IRAG2: variants seen among roughly 807,000 people sequenced by gnomAD.
The protein encoded by IRAG2 is inositol 1,4,5-triphosphate receptor associated 2, also known as lymphoid restricted membrane protein.
In IRAG2, 45 loss-of-function variants were observed where a neutral mutation model predicts 69.9. That is an observed-to-expected ratio of 0.64 (90% CI 0.51 to 0.83). The LOEUF (loss-of-function observed/expected upper bound fraction) is 0.83. Among genes scored for constraint, IRAG2 ranks in the 40% least tolerant of loss-of-function variants. The probability of loss-of-function intolerance (pLI) is 0.00; values close to 1 mark genes in which losing one functional copy is unlikely to be tolerated. For synonymous variants in IRAG2, 193 were observed against 202.4 expected, an observed-to-expected ratio of 0.95 and a Z score of 0.40; for missense variants, 520 against 587.0, an observed-to-expected ratio of 0.89 and a Z score of 1.18.
At chr12:25,033,177 G>A (rs1944681463) in intron 12 of IRAG2, among the ~76,000 whole-genome samples, 1 of 151,968 alleles carries the variant, frequency 6.6e-6, no homozygotes, top group South Asian at 2.1e-4. Flanking sequence ...GGCTGGTCTC[G>A]AACTCCTGAC....
chr12:25,060,860 G>T (rs1945586106), intron 1 of IRAG2, among the ~76,000 whole-genome samples: 1 of 151,224 alleles, frequency 6.6e-6, no homozygotes, highest in South Asian at 2.1e-4. Flanking sequence ...TAGAGATGGG[G>T]TTTTGTCCTG....
intron 3 of IRAG2, among the ~76,000 whole-genome samples, chr12:25,014,094 C>T (rs1295278471): frequency 1.3e-5 from 2 of 151,654 alleles, no homozygotes; most frequent in African/African-American, 4.8e-5. Context: ...CCAGGATGGT[C>T]TCGATCTCCT....
chr12:25,096,813 G>C (rs1948448032), intron 14 of IRAG2, 97 bp from the exon 15 acceptor site: 5 of 844,676 alleles, frequency 5.9e-6, no homozygotes, highest in Non-Finnish European at 9.1e-6. Context: ...AAATAATTGA[G>C]ATTAGAATGT....
At chr12:25,053,393 T>C (rs980386525) in intron 1 of IRAG2, among the ~76,000 whole-genome samples, 1 of 151,902 alleles carries the variant, frequency 6.6e-6, no homozygotes, top group African/African-American at 2.4e-5. Context: ...TTTTAGGGGG[T>C]TGGGCAAAAT....
the IRAG2 span, among the ~76,000 whole-genome samples, chr12:24,998,272 T>C: frequency 6.6e-6 from 1 of 152,164 alleles, no homozygotes; most frequent in Non-Finnish European, 1.5e-5. Context: ...AACTGAATTG[T>C]GGGAGGAAAG....
chr12:25,026,745 AT>A, intron 8 of IRAG2: 1 of 972,556 alleles, frequency 1.0e-6, no homozygotes, highest in Non-Finnish European at 1.3e-6. Context: ...CTCATCTTTT[AT>A]TTTTCTTGGT....
chr12:25,032,559 T>C (rs1001871559), intron 12 of IRAG2, among the ~76,000 whole-genome samples: 2 of 152,218 alleles, frequency 1.3e-5, no homozygotes, highest in Admixed American at 1.3e-4. Flanking sequence ...CAGCTCAGGA[T>C]GCTATGACAA....
intron 1 of IRAG2, among the ~76,000 whole-genome samples, chr12:25,057,694 A>T (rs1945354895): frequency 6.6e-6 from 1 of 152,128 alleles, no homozygotes. Flanking sequence ...CGAGTATACT[A>T]TTCAACCAGG....
At chr12:25,019,733 G>A (rs1944562971) in intron 6 of IRAG2, among the ~76,000 whole-genome samples, 1 of 151,198 alleles carries the variant, frequency 6.6e-6, no homozygotes, top group South Asian at 2.1e-4. Context: ...TTTGAGGGTG[G>A]AACCCTTGCC....
intron 6 of IRAG2, among the ~76,000 whole-genome samples, chr12:25,077,853 T>C (rs1348140883): frequency 6.6e-6 from 1 of 152,204 alleles, no homozygotes; most frequent in Non-Finnish European, 1.5e-5. Context: ...ACATCATTGA[T>C]GCAGAAGTAG....
chr12:25,102,867 G>A (rs530144446), intron 17 of IRAG2: 5 of 152,330 alleles, frequency 3.3e-5, no homozygotes, highest in African/African-American at 1.2e-4. Context: ...GGCAGGTTTT[G>A]CCACAGTGTA....
At chr12:25,021,801 TCCC>T (rs1361492200) in intron 7 of IRAG2, among the ~76,000 whole-genome samples, 3 of 152,226 alleles carry the variant, frequency 2.0e-5, no homozygotes, top group Non-Finnish European at 4.4e-5. Context: ...CCTGTGGCAG[TCCC>T]TTATGACCTC....
intron 16 of IRAG2, among the ~76,000 whole-genome samples, chr12:25,045,082 A>T: frequency 6.6e-6 from 1 of 152,172 alleles, no homozygotes; most frequent in East Asian, 1.9e-4. Flanking sequence ...AATGGAATAA[A>T]ACTAGAAATG....
chr12:25,055,494 C>A (rs1000890453), intron 1 of IRAG2, among the ~76,000 whole-genome samples: 1 of 152,120 alleles, frequency 6.6e-6, no homozygotes, highest in Non-Finnish European at 1.5e-5. Flanking sequence ...TTCTAGGGTA[C>A]ATGTGTACAA....
At position 25,103,904 on chromosome 12, in the gene IRAG2, GAC is replaced by G; in HGVS notation, c.996+7_996+8del. ...AATATTGGAAATGCAGGAATGGTAA[GAC>G]AATTCCTAAGTGTTCTTAGTCAAAG... On this transcript the variant is annotated splice_donor_region_variant and intron_variant, in intron 18 of 21. Coordinates refer to ENST00000556887, the MANE Select transcript of IRAG2 (RefSeq NM_001366544.2). 1 of 1,609,378 alleles carries G rather than the reference GAC, an allele frequency of 6.2e-7. No homozygotes were observed. The highest frequency in any genetic ancestry group is 8.5e-7 in the Non-Finnish European group (1 of 1,175,894).
At chr12:25,094,284 A>G (rs1592079919) in intron 14 of IRAG2, among the ~76,000 whole-genome samples, 2 of 152,098 alleles carry the variant, frequency 1.3e-5, no homozygotes, top group African/African-American at 4.8e-5. Context: ...TAAGGGTCCA[A>G]TTTCATTCTT....
intron 8 of IRAG2, among the ~76,000 whole-genome samples, chr12:25,024,879 G>C (rs560692593): frequency 3.3e-5 from 5 of 152,242 alleles, no homozygotes; most frequent in Admixed American, 2.0e-4. Flanking sequence ...TACCAAACCA[G>C]TTCAGAATTG....
At chr12:25,001,402 C>T (rs1944390041), upstream of IRAG2, among the ~76,000 whole-genome samples, 1 of 151,958 alleles carries the variant, frequency 6.6e-6, no homozygotes, top group African/African-American at 2.4e-5. Context: ...GCCATGAGTG[C>T]ACCACTGCAC....
the IRAG2 span, chr12:24,997,681 C>T: frequency 2.9e-4 from 45 of 153,242 alleles, no homozygotes; most frequent in African/African-American, 9.9e-4. Flanking sequence ...CATCGAAGGC[C>T]GAGAAAGTAC....
Sources: gnomAD v4.1 joint callset for allele counts (sites outside exome capture counted in the v4.1 genomes callset) on GRCh38, gnomAD v4.1.1 for gene constraint, MANE v1.5 for transcripts, NCBI Gene and HGNC (gene_info 2026-07-23, HGNC 2026-07-21) for gene names.